Variants in MEGF8 observed in about 807,000 individuals in gnomAD.
MEGF8 encodes multiple epidermal growth factor-like domains protein 8.
A neutral mutation model predicts 302.9 loss-of-function variants in MEGF8; 156 were observed. That is an observed-to-expected ratio of 0.52 (90% CI 0.45 to 0.59). The LOEUF (loss-of-function observed/expected upper bound fraction) is 0.59, where lower values mean the gene tolerates loss of function less well. MEGF8 is among the 20% of genes least tolerant of loss of function. The probability of loss-of-function intolerance (pLI) is 0.00; values close to 1 mark genes in which losing one functional copy is unlikely to be tolerated. For missense variants in MEGF8, 3,345 were observed against 3,964.5 expected (o/e 0.84, Z 4.20); for synonymous variants, 1,621 against 1,660.5 (o/e 0.98, Z 0.58).
At chr19:42,367,531 G>A (rs534080475) in intron 35 of MEGF8, among the ~76,000 whole-genome samples, 18 of 152,082 alleles carry the variant, frequency 1.2e-4, no homozygotes, top group African/African-American at 4.1e-4. Context: ...CTCGTGATCC[G>A]CCCGCCTCGG....
At chr19:42,361,856 G>C (rs1270440211) in intron 32 of MEGF8, among the ~76,000 whole-genome samples, 1 of 152,176 alleles carries the variant, frequency 6.6e-6, no homozygotes, top group Non-Finnish European at 1.5e-5. Flanking sequence ...GAGGCAGAAG[G>C]CTTCGGTGGC....
In MEGF8 at chr19:42,333,698, C is replaced by A; in HGVS notation, c.281C>A (p.Pro94Gln). Residue 94 changes from proline to glutamine, a missense_variant, in exon 2 of 42, where the codon CCG becomes CAG. By Grantham distance (76) the Pro-to-Gln change is moderately conservative. Transcript: ENST00000251268. Reference protein sequence around the residue: ...DYLFVYDGDSPRGPLLASLSG... With the variant: ...DYLFVYDGDSQRGPLLASLSG... ...CTGTTCGTGTATGACGGTGACTCCC[C>A]GCGAGGGCCGCTGCTTGCCAGTCTA... 6.2e-7 allele frequency: 1 copy of A among 1,613,990 alleles called. No homozygotes were observed. The highest frequency in any genetic ancestry group is 8.5e-7 in the Non-Finnish European group (1 of 1,179,898).
At position 42,351,835 on chromosome 19, in the gene MEGF8, CTT is replaced by C. The variant is rs997806100; in HGVS notation, c.3101+76_3101+77del. 11 of 1,253,384 alleles carry C rather than the reference CTT, an allele frequency of 8.8e-6. No individual in the cohort carries two copies. The highest frequency in any genetic ancestry group is 5.1e-5 in the East Asian group (2 of 39,428). The allele number at this position is 1,253,384 out of a possible 1,614,324, so 77.6% of individuals were successfully genotyped here. A position where few individuals can be genotyped will look rare whatever the true frequency, so the allele number is the denominator to read the frequency against. On this transcript the variant is annotated intron_variant, in intron 18 of 41. Coordinates refer to ENST00000251268, the MANE Select transcript of MEGF8 (RefSeq NM_001271938.2). The surrounding 1 kb of genome is among the most constrained non-coding windows in gnomAD (Gnocchi z 5.6). ...CCATGACCGGTCATTCTAATGGCCT[CTT>C]TGCTTCTCTGCCCTCTTGCCCATCC...
intron 1 of MEGF8, among the ~76,000 whole-genome samples, chr19:42,329,875 GAAA>G (rs773136200): frequency 1.6e-5 from 2 of 124,518 alleles, no homozygotes; most frequent in Non-Finnish European, 1.7e-5. Context: ...CTGTCTCAGG[GAAA>G]AAAAAAAAAA....
At chr19:42,366,653 A>G (rs1322525200) in intron 35 of MEGF8, among the ~76,000 whole-genome samples, 2 of 152,186 alleles carry the variant, frequency 1.3e-5, no homozygotes, top group African/African-American at 4.8e-5. Context: ...TTTGCTAGGC[A>G]GTGGGGAATG....
At chr19:42,366,179 T>C (rs1422754748) in intron 35 of MEGF8, among the ~76,000 whole-genome samples, 2 of 152,224 alleles carry the variant, frequency 1.3e-5, no homozygotes, top group African/African-American at 4.8e-5. Context: ...AAGGGCTGCC[T>C]GATTCTAACC....
chr19:42,352,236 C>A lies in MEGF8; in HGVS notation c.3130C>A (p.Leu1044Ile). 6.4e-7 allele frequency: 1 copy of A among 1,554,216 alleles called. No individual in the cohort carries two copies. The highest frequency in any genetic ancestry group is 2.4e-5 in the East Asian group (1 of 42,380). Residue 1044 changes from leucine to isoleucine, a missense_variant, in exon 19 of 42, where the codon CTC becomes ATC. Physicochemically the swap from Leu to Ile is conservative, Grantham distance 5 (BLOSUM62 2). Transcript: ENST00000251268. The surrounding 1 kb of genome is among the most constrained non-coding windows in gnomAD (Gnocchi z 4.4). ...CCTACAGGGGGACTTCTCAGGGCCC[C>A]TCGGTGGGGGTAACTGCTCCCTGTG... Reference protein sequence around the residue: ...RCLQGDFSGPLGGGNCSLWVG... With the variant: ...RCLQGDFSGPIGGGNCSLWVG...
chr19:42,348,250 A>T (rs748799685), intron 12 of MEGF8, 22 bp from the exon 13 acceptor site: 1 of 1,531,282 alleles, frequency 6.5e-7, no homozygotes, highest in South Asian at 1.2e-5. Context: ...ACTCACACAT[A>T]CACCCATCCC....
Position 42,357,424 on chromosome 19 carries a change from G to C in MEGF8, c.4851G>C (p.Leu1617=). The change falls in exon 28 of 42, where the codon CTG becomes CTC. Residue 1617 remains leucine (L), a synonymous_variant. Transcript: ENST00000251268. This position sits in a 1 kb window ranked among gnomAD's most constrained non-coding sequence, Gnocchi z 5.2. ...RQEKAPQTVE[L]PAVAGHTLTA... The stretch of plus-strand genomic sequence containing the variant: ...CTCAGGCCCCCCAGACCGTGGAGCT[G>C]CCAGCCGTTGCTGGTCACACCCTTA... The C allele has an allele frequency of 6.2e-7, 1 of 1,613,466 alleles. No individual in the cohort carries two copies.
In MEGF8 at chr19:42,356,503, T is replaced by C; in HGVS notation, c.4622+50T>C. On this transcript the variant is annotated intron_variant, in intron 26 of 41. Coordinates refer to ENST00000251268, the MANE Select transcript of MEGF8 (RefSeq NM_001271938.2). The surrounding 1 kb of genome is among the most constrained non-coding windows in gnomAD (Gnocchi z 5.2). ...GATTCGCAAATAAGAGAAGGTCACC[T>C]CGGGATGCTAAGAGTCACCTCAGAG... is the stretch of plus-strand genomic sequence containing the variant. 1 of 1,416,210 alleles carries C rather than the reference T, an allele frequency of 7.1e-7. No individual in the cohort carries two copies. The highest frequency in any genetic ancestry group is 9.5e-7 in the Non-Finnish European group (1 of 1,047,872). 87.7% of individuals were successfully genotyped at this position (1,416,210 alleles called of 1,614,324 possible). A position where few individuals can be genotyped will look rare whatever the true frequency, so the allele number is the denominator to read the frequency against.
intron 8 of MEGF8, among the ~76,000 whole-genome samples, chr19:42,338,992 G>A (rs899088604): frequency 2.6e-5 from 4 of 150,956 alleles, no homozygotes; most frequent in Non-Finnish European, 5.9e-5. Flanking sequence ...TACCACCACA[G>A]CCGGCTAATT....
Position 42,354,548 on chromosome 19 carries a change from T to C in MEGF8, c.4012-40T>C, listed in dbSNP as rs1399289248. On this transcript the variant is annotated intron_variant, in intron 22 of 41. Coordinates refer to ENST00000251268, the MANE Select transcript of MEGF8 (RefSeq NM_001271938.2). This position sits in a 1 kb window ranked among gnomAD's most constrained non-coding sequence, Gnocchi z 4.3. ...TCCCAGACCCCAGGTGTCGTTCTCA[T>C]CCTCATTGTCTCCTAATCCTCGATT... 1.3e-6 allele frequency: 2 copies of C among 1,587,074 alleles called. No individual in the cohort carries two copies. Among genetic ancestry groups the C allele is most frequent in the Non-Finnish European group, 8.6e-7 (1 of 1,162,348 alleles).
Position 42,353,978 on chromosome 19 carries a change from C to T in MEGF8, c.3965C>T (p.Pro1322Leu). 1 of 1,582,442 alleles carries T rather than the reference C, an allele frequency of 6.3e-7. No individual in the cohort carries two copies. The highest frequency in any genetic ancestry group is 1.2e-5 in the South Asian group (1 of 86,414). The change falls in exon 22 of 42, where the codon CCC becomes CTC. Residue 1322 changes from proline (P) to leucine (L), a missense_variant. Physicochemically the swap from Pro to Leu is moderately conservative, Grantham distance 98. Coordinates refer to ENST00000251268, the MANE Select transcript of MEGF8 (RefSeq NM_001271938.2). This position sits in a 1 kb window ranked among gnomAD's most constrained non-coding sequence, Gnocchi z 6.1. ...LQPCAPGTLC[P>L]PLTLTFSPDS... ...CCCTGTGCTCCCGGGACCCTCTGTC[C>T]CCCACTCACCCTCACCTTCTCCCCC...
chr19:42,343,649 A>G lies in MEGF8; in HGVS notation c.1668+18A>G. Reference sequence around the variant, plus strand: ...CCCCTGACGTGAGCACTGGGGTGACAGGGAAAGGGTGGCTGGGGGGAGGAG... The same window carrying G: ...CCCCTGACGTGAGCACTGGGGTGACGGGGAAAGGGTGGCTGGGGGGAGGAG... On this transcript the variant is annotated intron_variant, in intron 9 of 41. Transcript: ENST00000251268. The G allele has an allele frequency of 3.8e-6, 6 of 1,586,982 alleles. No individual in the cohort carries two copies. The highest frequency in any genetic ancestry group is 3.7e-4 in the Middle Eastern group (2 of 5,460).
chr19:42,362,383 G>A lies in MEGF8; in HGVS notation c.5845-1G>A. The A allele has an allele frequency of 6.2e-7, 1 of 1,613,874 alleles. No homozygotes were observed. Among genetic ancestry groups the A allele is most frequent in the Non-Finnish European group, 8.5e-7 (1 of 1,179,864 alleles). On this transcript the variant is annotated splice_acceptor_variant, in intron 33 of 41. Transcript: ENST00000251268. LOFTEE classifies it high-confidence loss of function. ...CCATCTAGCCTGTCTTCCCTCACCA[G>A]GCGTCCACCCCCCGCTGTAAGTGGT...
At position 42,368,728 on chromosome 19, in the gene MEGF8, T is replaced by C; in HGVS notation, c.6481+66T>C. On this transcript the variant is annotated intron_variant, in intron 36 of 41. Transcript: ENST00000251268. The surrounding 1 kb of genome is among the most constrained non-coding windows in gnomAD (Gnocchi z 4.9). Reference sequence around the variant, plus strand: ...TGGTTGGGGTCTGATACAGTGAACATAGGGATACTGGGCCAGACCCAGAGG... The same window carrying C: ...TGGTTGGGGTCTGATACAGTGAACACAGGGATACTGGGCCAGACCCAGAGG... 1.3e-6 allele frequency: 2 copies of C among 1,544,740 alleles called. No homozygotes were observed. Among genetic ancestry groups the C allele is most frequent in the Admixed American group, 1.9e-5 (1 of 52,140 alleles).
Position 42,368,387 on chromosome 19 carries a change from T to G in MEGF8, c.6274-68T>G. 1.5e-6 allele frequency: 2 copies of G among 1,350,602 alleles called. No homozygotes were observed. The highest frequency in any genetic ancestry group is 2.0e-6 in the Non-Finnish European group (2 of 989,688). The allele number at this position is 1,350,602 out of a possible 1,614,324, so 83.7% of individuals were successfully genotyped here. On this transcript the variant is annotated intron_variant, in intron 35 of 41. Coordinates refer to ENST00000251268, the MANE Select transcript of MEGF8 (RefSeq NM_001271938.2). The surrounding 1 kb of genome is among the most constrained non-coding windows in gnomAD (Gnocchi z 4.9). The stretch of plus-strand genomic sequence containing the variant: ...GTGTGGTCTGGGAAGATACCCAGAA[T>G]GTGTTTGTTTAAGCTTATTTCCCCA...
Position 42,352,522 on chromosome 19 carries a change from G to A in MEGF8, c.3350+66G>A. ...CTGGGGCACATGGAGGTGGAGGGAG[G>A]AAGCCATCATGGCGCTGGGTCCCCT... On this transcript the variant is annotated intron_variant, in intron 19 of 41. Transcript: ENST00000251268. This position sits in a 1 kb window ranked among gnomAD's most constrained non-coding sequence, Gnocchi z 4.4. The A allele has an allele frequency of 6.6e-7, 1 of 1,503,984 alleles. No homozygotes were observed. The highest frequency in any genetic ancestry group is 8.9e-7 in the Non-Finnish European group (1 of 1,118,896). The allele number at this position is 1,503,984 out of a possible 1,614,324, so 93.2% of individuals were successfully genotyped here.
At chr19:42,374,344 A>ATG (rs1568578919) in intron 41 of MEGF8, among the ~76,000 whole-genome samples, 1 of 151,712 alleles carries the variant, frequency 6.6e-6, no homozygotes, top group East Asian at 1.9e-4. Context: ...GGTGGCGGAC[A>ATG]CCTGTAATCC....
Sources: allele counts gnomAD v4.1 joint callset (sites outside exome capture counted in the v4.1 genomes callset), GRCh38; gene constraint gnomAD v4.1.1; non-coding constraint Gnocchi (gnomAD v3.1); transcripts MANE v1.5; gene names NCBI Gene and HGNC (gene_info 2026-07-23, HGNC 2026-07-21).